Variants in USP9Y observed in about 807,000 individuals in gnomAD.
USP9Y encodes ubiquitin carboxyl-terminal hydrolase 9Y.
A neutral mutation model predicts 53.1 loss-of-function variants in USP9Y; 41 were observed. The observed-to-expected ratio is 0.77, with a 90% CI of 0.60 to 1.00. The LOEUF (loss-of-function observed/expected upper bound fraction) is 1.00. Among genes scored for constraint, USP9Y ranks in the 50% least tolerant of loss-of-function variants. USP9Y has a pLI of 0.00. For missense variants in USP9Y, 567 were observed against 535.8 expected, an observed-to-expected ratio of 1.06 and a Z score of -0.58; for synonymous variants, 220 against 173.7, an observed-to-expected ratio of 1.27 and a Z score of -2.09.
chrY:12,721,612 G>A, intron 4 of USP9Y, among the ~76,000 whole-genome samples: 1 of 32,959 alleles, frequency 3.0e-5, no homozygotes, highest in Non-Finnish European at 7.5e-5. Context: ...GGGAATGTAC[G>A]TATGACAGTA....
chrY:12,727,907 T>C (rs2053444147), intron 7 of USP9Y, among the ~76,000 whole-genome samples: 1 of 34,028 alleles, frequency 2.9e-5, no homozygotes, highest in Non-Finnish European at 7.4e-5. Flanking sequence ...ATTAGTGTAT[T>C]GAATAGAAAT....
chrY:12,769,214 G>A, intron 15 of USP9Y, among the ~76,000 whole-genome samples: 1 of 33,714 alleles, frequency 3.0e-5, no homozygotes, highest in African/African-American at 1.2e-4. Flanking sequence ...AAAACTTGAG[G>A]TTCTGAGATT....
In USP9Y at chrY:12,811,688, C is replaced by T; in HGVS notation, c.4293C>T (p.Gly1431=). 2.5e-6 allele frequency: 1 copy of T among 396,011 alleles called. No individual in the cohort carries two copies. Among genetic ancestry groups the T allele is most frequent in the Non-Finnish European group, 3.5e-6 (1 of 282,437 alleles). ...GTGTCGAAGAGCCAATACTGGAAGGCCACCTTGGGGTAACAAAAGAGTTAT... is the reference window on the plus strand; with the variant it reads ...GTGTCGAAGAGCCAATACTGGAAGGTCACCTTGGGGTAACAAAAGAGTTAT... ...ETGVEEPILE[G]HLGVTKELLA... is the part of the protein sequence containing the mutation. The change falls in exon 30 of 46, where the codon GGC becomes GGT. Residue 1431 remains glycine (G), a synonymous_variant. Coordinates refer to ENST00000338981, the MANE Select transcript of USP9Y (RefSeq NM_004654.4).
chrY:12,857,080 T>C (rs1211360099), intron 44 of USP9Y: 3 of 115,535 alleles, frequency 2.6e-5, no homozygotes, highest in Non-Finnish European at 4.9e-5. Context: ...AATTCAGATA[T>C]TCTTTTGTTT....
At chrY:12,743,310 A>T (rs2053458124) in intron 12 of USP9Y, among the ~76,000 whole-genome samples, 1 of 32,784 alleles carries the variant, frequency 3.1e-5, no homozygotes, top group Non-Finnish European at 7.5e-5. Context: ...CAGTGGTGCG[A>T]TATCAGCTCA....
In USP9Y at chrY:12,726,714, C is replaced by A. The variant is rs370889214; in HGVS notation, c.578C>A (p.Pro193Gln). 2.5e-6 allele frequency: 1 copy of A among 398,173 alleles called. No homozygotes were observed. Among genetic ancestry groups the A allele is most frequent in the Non-Finnish European group, 3.5e-6 (1 of 283,077 alleles). The change falls in exon 7 of 46, where the codon CCG becomes CAG. Residue 193 changes from proline (P) to glutamine (Q), a missense_variant. Physicochemically the swap from Pro to Gln is moderately conservative, Grantham distance 76 (BLOSUM62 -1). Coordinates refer to ENST00000338981, the MANE Select transcript of USP9Y (RefSeq NM_004654.4). Reference sequence around the variant, plus strand: ...TTTCATATCTACAATGGTACACGTCCGTGTGAATTAATTTCCTCAAATGCT... The same window carrying A: ...TTTCATATCTACAATGGTACACGTCAGTGTGAATTAATTTCCTCAAATGCT... The part of the protein sequence containing the change: ...CKFHIYNGTR[P>Q]CELISSNAQL...
intron 33 of USP9Y, among the ~76,000 whole-genome samples, chrY:12,832,997 C>T (rs897680214): frequency 4.6e-4 from 15 of 32,573 alleles, no homozygotes; most frequent in African/African-American, 1.8e-3. Context: ...GAAAGTTCAC[C>T]GCAAAGAAAA....
chrY:12,740,590 C>T, intron 12 of USP9Y, among the ~76,000 whole-genome samples: 5 of 33,399 alleles, frequency 1.5e-4, no homozygotes, highest in East Asian at 1.5e-3. Context: ...ATTCTGACTA[C>T]ACCCCAGATG....
intron 13 of USP9Y, among the ~76,000 whole-genome samples, chrY:12,758,007 A>C: frequency 3.0e-5 from 1 of 33,791 alleles, no homozygotes; most frequent in Admixed American, 2.7e-4. Context: ...ATTTAAAAGC[A>C]CTAAGTGACT....
chrY:12,818,097 G>A, intron 32 of USP9Y, among the ~76,000 whole-genome samples: 1 of 33,123 alleles, frequency 3.0e-5, no homozygotes, highest in African/African-American at 1.2e-4. Flanking sequence ...GTCCTAGGAA[G>A]ACCAAGTAAC....
chrY:12,800,777 G>C, intron 27 of USP9Y, among the ~76,000 whole-genome samples: 1 of 33,729 alleles, frequency 3.0e-5, no homozygotes, highest in Non-Finnish European at 7.3e-5. Context: ...AAATTAAAGA[G>C]TGTGTAAGCA....
chrY:12,822,831 G>A, intron 33 of USP9Y, among the ~76,000 whole-genome samples: 1 of 32,749 alleles, frequency 3.1e-5, no homozygotes, highest in Admixed American at 2.8e-4. Flanking sequence ...ATACCTTTAC[G>A]CCACTATATC....
At chrY:12,853,909 T>C in intron 42 of USP9Y, among the ~76,000 whole-genome samples, 1 of 33,283 alleles carries the variant, frequency 3.0e-5, no homozygotes, top group Non-Finnish European at 7.4e-5. Context: ...ACTGAGATTA[T>C]GCTACTAACA....
chrY:12,748,180 C>T, intron 12 of USP9Y, among the ~76,000 whole-genome samples: 3 of 32,945 alleles, frequency 9.1e-5, no homozygotes, highest in Non-Finnish European at 2.3e-4. Context: ...AAAAAAGTTA[C>T]TCCCCATGGT....
At chrY:12,737,619 A>G (rs2053452985) in intron 10 of USP9Y, among the ~76,000 whole-genome samples, 1 of 33,692 alleles carries the variant, frequency 3.0e-5, no homozygotes, top group South Asian at 6.6e-4. Flanking sequence ...ATTACTCAGT[A>G]TATTCACTAG....
intron 26 of USP9Y, 138 bp downstream of exon 26, chrY:12,791,762 A>C: frequency 7.1e-6 from 1 of 140,668 alleles, no homozygotes; most frequent in Non-Finnish European, 1.2e-5. Flanking sequence ...ACCTATAAAT[A>C]AAATGAGAAT....
At chrY:12,739,710 C>A in intron 12 of USP9Y, 81 bp downstream of exon 12, 1 of 193,837 alleles carries the variant, frequency 5.2e-6, no homozygotes, top group South Asian at 4.2e-5. Flanking sequence ...CGTTAGATTT[C>A]TTTTGCTTAT....
rs1352438955 is a variant in USP9Y, at chrY:12,856,686, T to C, written c.7275T>C (p.Asp2425=). ...CCTGGGCAGTGGAATGGCTAGGAGA[T>C]GAACTTGAAAGAAGACCATATACTG... is the stretch of plus-strand genomic sequence containing the variant. ...KWTWAVEWLG[D]ELERRPYTGN... Residue 2425 remains aspartate (D), a synonymous_variant, in exon 44 of 46, where the codon GAT becomes GAC. Coordinates refer to ENST00000338981, the MANE Select transcript of USP9Y (RefSeq NM_004654.4). The C allele has an allele frequency of 2.5e-6, 1 of 398,485 alleles. No individual in the cohort carries two copies. Among genetic ancestry groups the C allele is most frequent in the South Asian group, 3.0e-5 (1 of 33,765 alleles).
rs2053452724 is a variant in USP9Y, at chrY:12,737,305, CTG to C, written c.1164+758_1164+759del. 2.4e-4 allele frequency among the ~76,000 whole-genome samples: 8 copies of C among 33,410 alleles called. No individual in the cohort carries two copies. In the East Asian group the frequency reaches 3.1e-3, roughly 13 times the overall value. The allele number at this position is 33,410 out of a possible 37,273, so 89.6% of individuals were successfully genotyped here. A position where few individuals can be genotyped will look rare whatever the true frequency, so the allele number is the denominator to read the frequency against. ...TATGTCATTTTGACAGGTAATGAAA[CTG>C]TTTACCATAGAAATTTTCATACATT... On this transcript the variant is annotated intron_variant, in intron 10 of 45. Coordinates refer to ENST00000338981, the MANE Select transcript of USP9Y (RefSeq NM_004654.4).
Sources: gnomAD v4.1 joint callset for allele counts (sites outside exome capture counted in the v4.1 genomes callset) on GRCh38, gnomAD v4.1.1 for gene constraint, MANE v1.5 for transcripts, NCBI Gene and HGNC (gene_info 2026-07-23, HGNC 2026-07-21) for gene names.